The following HTR2A variants were observed in gnomAD, a reference collection of about 807,000 sequenced individuals.
HTR2A encodes 5-HT2 receptor.
HTR2A carries 14 observed loss-of-function variants against 31.0 expected under a neutral mutation model. That is an observed-to-expected ratio of 0.45 (90% CI 0.30 to 0.71). The LOEUF (loss-of-function observed/expected upper bound fraction) is 0.71. Ranked by LOEUF, HTR2A falls within the 30% of genes least tolerant of loss-of-function variation. The pLI is 0.09. For missense variants in HTR2A, 442 were observed against 573.3 expected, an observed-to-expected ratio of 0.77 and a Z score of 2.34; for synonymous variants, 209 against 225.2, an observed-to-expected ratio of 0.93 and a Z score of 0.64.
rs1950844630 is a variant in HTR2A, at chr13:46,869,122, A to C, written c.613+23268T>G. Among the ~76,000 whole-genome samples the C allele has an allele frequency of 2.0e-5, 3 of 152,206 alleles. No homozygotes were observed. In the South Asian group the frequency reaches 6.2e-4, roughly 31 times the overall value. On this transcript the variant is annotated intron_variant, in intron 3 of 3. Coordinates refer to ENST00000542664, the MANE Select transcript of HTR2A (RefSeq NM_000621.5). ...ATTATTAAAAACCTTTGTGCATCAA[A>C]GTATGTTACCAAGACAGTGAAAAGA...
intron 3 of HTR2A, among the ~76,000 whole-genome samples, chr13:46,857,949 T>C: frequency 6.6e-6 from 1 of 151,928 alleles, no homozygotes; most frequent in Non-Finnish European, 1.5e-5. Context: ...GGCTGTTTGG[T>C]GGGTGGATTA....
In HTR2A at chr13:46,866,102, T is replaced by C. The variant is rs1950816554; in HGVS notation, c.613+26288A>G. 2.0e-5 allele frequency among the ~76,000 whole-genome samples: 3 copies of C among 152,210 alleles called. No homozygotes were observed. The South Asian group carries it at 6.2e-4, about 32-fold the overall frequency. On this transcript the variant is annotated intron_variant, in intron 3 of 3. Coordinates refer to ENST00000542664, the MANE Select transcript of HTR2A (RefSeq NM_000621.5). ...ATTAATTCGTGAGTTTCATAAATTG[T>C]TTTGTAGATTAAAATTCCCTATTAA...
rs375745004 is a variant in HTR2A at position 46,890,498 on chromosome 13, C to T, written c.613+1892G>A. 3.3e-5 allele frequency among the ~76,000 whole-genome samples: 5 copies of T among 152,274 alleles called. No individual in the cohort carries two copies. The East Asian group carries it at 7.7e-4, about 24-fold the overall frequency. ...AGCATGGGCTTTGGACTCAGATTGA[C>T]CCATATTGACTCCTGATTATAAGTG... is the stretch of plus-strand genomic sequence containing the variant. On this transcript the variant is annotated intron_variant, in intron 3 of 3. Coordinates refer to ENST00000542664, the MANE Select transcript of HTR2A (RefSeq NM_000621.5).
At chr13:46,878,731 C>CAATTGCATTA (rs1164099276) in intron 3 of HTR2A, among the ~76,000 whole-genome samples, 6 of 152,106 alleles carry the variant, frequency 3.9e-5, no homozygotes, top group Non-Finnish European at 8.8e-5. Flanking sequence ...CAGAATCAAA[C>CAATTGCATTA]AATTGCATTA....
At chr13:46,848,536 T>C (rs1950660397) in intron 3 of HTR2A, among the ~76,000 whole-genome samples, 1 of 152,202 alleles carries the variant, frequency 6.6e-6, no homozygotes, top group Non-Finnish European at 1.5e-5. Flanking sequence ...CAACAGACAC[T>C]ATGTAGGTCT....
intron 3 of HTR2A, among the ~76,000 whole-genome samples, chr13:46,848,462 T>TTAATAGGTAAAA (rs1468799307): frequency 1.3e-5 from 2 of 152,152 alleles, no homozygotes; most frequent in Non-Finnish European, 2.9e-5. Context: ...ACTGTTAAGC[T>TTAATAGGTAAAA]CTCTGTGTAA....
chr13:46,850,082 G>A (rs937408874), intron 3 of HTR2A, among the ~76,000 whole-genome samples: 2 of 152,170 alleles, frequency 1.3e-5, no homozygotes, highest in African/African-American at 4.8e-5. Context: ...TCATTTGGGG[G>A]CTAACAATTC....
At chr13:46,842,070 C>T (rs774512926) in intron 3 of HTR2A, among the ~76,000 whole-genome samples, 16 of 151,884 alleles carry the variant, frequency 1.1e-4, no homozygotes, top group East Asian at 7.7e-4. Flanking sequence ...CACATTTGTA[C>T]GTCATCAATG....
intron 3 of HTR2A, among the ~76,000 whole-genome samples, chr13:46,887,078 A>T (rs938127441): frequency 6.6e-6 from 1 of 152,188 alleles, no homozygotes; most frequent in African/African-American, 2.4e-5. Context: ...GGCAGTATCA[A>T]CAAAACACCC....
chr13:46,865,561 C>G (rs114752327), intron 3 of HTR2A, among the ~76,000 whole-genome samples: 288 of 152,306 alleles, frequency 1.9e-3, no homozygotes, highest in African/African-American at 6.7e-3. Flanking sequence ...GTACTTGGAG[C>G]AGCAATGTCC....
chr13:46,891,228 C>A (rs532118113), intron 3 of HTR2A, among the ~76,000 whole-genome samples: 1 of 152,268 alleles, frequency 6.6e-6, no homozygotes, highest in Non-Finnish European at 1.5e-5. Context: ...GTAGGTAAGA[C>A]TTTTTAAACA....
At chr13:46,844,149 A>ATC (rs1950622088) in intron 3 of HTR2A, among the ~76,000 whole-genome samples, 1 of 152,226 alleles carries the variant, frequency 6.6e-6, no homozygotes, top group African/African-American at 2.4e-5. Context: ...TGAGATGACA[A>ATC]TCTCATTAAT....
chr13:46,855,607 A>G (rs888145296), intron 3 of HTR2A, among the ~76,000 whole-genome samples: 2 of 151,920 alleles, frequency 1.3e-5, no homozygotes, highest in Admixed American at 1.3e-4. Context: ...TGTAAACTGG[A>G]GACAGAACCC....
chr13:46,852,501 C>T (rs1283130981), intron 3 of HTR2A, among the ~76,000 whole-genome samples: 1 of 152,236 alleles, frequency 6.6e-6, no homozygotes, highest in African/African-American at 2.4e-5. Context: ...GCATTCGCTA[C>T]AAAAGTTCTT....
chr13:46,875,842 A>C (rs1450558344), intron 3 of HTR2A, among the ~76,000 whole-genome samples: 1 of 152,244 alleles, frequency 6.6e-6, no homozygotes, highest in Admixed American at 6.5e-5. Flanking sequence ...CCCACAGCAC[A>C]ACTAGAGAAA....
chr13:46,864,080 T>G (rs143595454), intron 3 of HTR2A, among the ~76,000 whole-genome samples: 1 of 152,146 alleles, frequency 6.6e-6, no homozygotes, highest in Non-Finnish European at 1.5e-5. Context: ...TAGAATACTA[T>G]GCAGTCATAA....
chr13:46,843,002 T>C (rs1566300878), intron 3 of HTR2A, among the ~76,000 whole-genome samples: 1 of 152,216 alleles, frequency 6.6e-6, no homozygotes, highest in East Asian at 1.9e-4. Flanking sequence ...AGTAGTGTGA[T>C]AAAATCTTGT....
intron 3 of HTR2A, among the ~76,000 whole-genome samples, chr13:46,886,491 A>G (rs1951007275): frequency 1.0e-5 from 1 of 99,970 alleles, no homozygotes; most frequent in South Asian, 3.8e-4. Flanking sequence ...AAATCTATCC[A>G]TATGTTACTT....
At chr13:46,855,781 A>G (rs1389856607) in intron 3 of HTR2A, among the ~76,000 whole-genome samples, 4 of 152,192 alleles carry the variant, frequency 2.6e-5, no homozygotes, top group Non-Finnish European at 4.4e-5. Context: ...TAACATGTCC[A>G]CTAGCCAGAT....
Sources: allele counts gnomAD v4.1 joint callset (sites outside exome capture counted in the v4.1 genomes callset), GRCh38; gene constraint gnomAD v4.1.1; transcripts MANE v1.5; gene names NCBI Gene and HGNC (gene_info 2026-07-23, HGNC 2026-07-21).